Variants in FAM20A observed in about 807,000 individuals in gnomAD.
FAM20A encodes pseudokinase FAM20A.
Under a neutral mutation model 52.0 loss-of-function variants are expected in FAM20A, and 42 were observed. The ratio of observed to expected loss-of-function variants is 0.81; its 90% CI spans 0.63 to 1.04. The LOEUF is 1.04. Ranked by LOEUF, FAM20A falls within the 50% of genes least tolerant of loss-of-function variation. The pLI, the probability that FAM20A is intolerant of heterozygous loss-of-function variation, is 0.00. For missense variants in FAM20A, 742 were observed against 712.7 expected, an observed-to-expected ratio of 1.04 and a Z score of -0.47; for synonymous variants, 304 against 298.9, an observed-to-expected ratio of 1.02 and a Z score of -0.18.
In FAM20A at chr17:68,540,891, G is replaced by A. The variant is rs1169684397; in HGVS notation, c.1177C>T (p.Leu393Phe). 4 of 1,605,460 alleles carry A rather than the reference G, an allele frequency of 2.5e-6. No homozygotes were observed. The highest frequency in any genetic ancestry group is 3.4e-6 in the Non-Finnish European group (4 of 1,176,150). ...QIYPYNNSQR[L>F]LNVIDMAIFD... ...ATGGCCATGTCGATGACATTGAGGAGCCGCTGGCTGTTGTTGTACGGGTAG... is the reference window on the plus strand; with the variant it reads ...ATGGCCATGTCGATGACATTGAGGAACCGCTGGCTGTTGTTGTACGGGTAG... Residue 393 changes from leucine (L) to phenylalanine (F), a missense_variant, in exon 8 of 11, where the codon CTC becomes TTC. By Grantham distance (22) the Leu-to-Phe change is conservative (BLOSUM62 0). Coordinates refer to ENST00000592554, the MANE Select transcript of FAM20A (RefSeq NM_017565.4).
At chr17:68,594,204 G>A (rs2088385498) in intron 1 of FAM20A, among the ~76,000 whole-genome samples, 1 of 152,212 alleles carries the variant, frequency 6.6e-6, no homozygotes, top group Admixed American at 6.5e-5. Context: ...GAGGTCAGGA[G>A]ATCGAGACCA....
chr17:68,562,099 C>T (rs1362230967), intron 1 of FAM20A, among the ~76,000 whole-genome samples: 1 of 152,226 alleles, frequency 6.6e-6, no homozygotes, highest in Non-Finnish European at 1.5e-5. Context: ...GCTGGGATTA[C>T]AGGCATAAGC....
intron 1 of FAM20A, among the ~76,000 whole-genome samples, chr17:68,568,476 A>T (rs1298184025): frequency 6.6e-6 from 1 of 151,208 alleles, no homozygotes; most frequent in Non-Finnish European, 1.5e-5. Context: ...TCTAAAATAA[A>T]TAAATAAATA....
intron 4 of FAM20A, among the ~76,000 whole-genome samples, chr17:68,547,094 G>A (rs1483454709): frequency 6.6e-5 from 10 of 152,040 alleles, no homozygotes; most frequent in Middle Eastern, 3.4e-3. Context: ...TAACAGATGT[G>A]TGGTCATCCA....
rs1484228841 is a variant in FAM20A, at chr17:68,536,078, A to G, written c.*1399T>C. The stretch of plus-strand genomic sequence containing the variant: ...TCTCAGTGAATGGTAGTGATTTTAG[A>G]GAGACACAAAGTCCAGGGGCAGCAT... On this transcript the variant is annotated 3_prime_UTR_variant, in exon 11 of 11. Transcript: ENST00000592554. 1.3e-5 allele frequency: 6 copies of G among 453,972 alleles called. No homozygotes were observed. Among genetic ancestry groups the G allele is most frequent in the South Asian group, 7.8e-5 (5 of 64,482 alleles). 28.1% of individuals were successfully genotyped at this position (453,972 alleles called of 1,614,324 possible).
intron 4 of FAM20A, 134 bp downstream of exon 4, chr17:68,551,739 T>C (rs1184660462): frequency 8.6e-6 from 5 of 583,430 alleles, no homozygotes; most frequent in Non-Finnish European, 1.6e-5. Context: ...CCCCAAACAG[T>C]TCTGTGCTTG....
At position 68,555,677 on chromosome 17, in the gene FAM20A, G is replaced by A. The variant is rs759516103; in HGVS notation, c.471C>T (p.Leu157=). 21 of 1,613,874 alleles carry A rather than the reference G, an allele frequency of 1.3e-5. No individual in the cohort carries two copies. The highest frequency in any genetic ancestry group is 1.2e-4 in the African/African-American group (9 of 75,016). The change falls in exon 2 of 11, where the codon CTC becomes CTT. Residue 157 remains leucine (L), a synonymous_variant. Transcript: ENST00000592554. ...TSLDPPLQLR[L]EASWVQFHLG... ...GGTGGAACTGGACCCAGCTGGCCTC[G>A]AGTCGGAGCTGCAGTGGGGGGTCCA...
intron 1 of FAM20A, among the ~76,000 whole-genome samples, chr17:68,580,217 G>T (rs764783980): frequency 6.6e-6 from 1 of 152,218 alleles, no homozygotes; most frequent in Non-Finnish European, 1.5e-5. Context: ...GCTTTGTCAA[G>T]AATTTAATTT....
chr17:68,596,021 C>T (rs544085469), intron 1 of FAM20A, among the ~76,000 whole-genome samples: 9 of 152,302 alleles, frequency 5.9e-5, no homozygotes, highest in African/African-American at 2.2e-4. Flanking sequence ...TGGATCTTCT[C>T]AAAGCATCCC....
At chr17:68,599,385 A>C (rs1175289358) in intron 1 of FAM20A, among the ~76,000 whole-genome samples, 1 of 152,260 alleles carries the variant, frequency 6.6e-6, no homozygotes, top group East Asian at 1.9e-4. Context: ...GCCACTAGCA[A>C]GGGATCTCAG....
intron 5 of FAM20A, 88 bp from the exon 6 acceptor site, chr17:68,542,897 A>G: frequency 9.7e-7 from 1 of 1,026,060 alleles, no homozygotes; most frequent in East Asian, 2.4e-5. Context: ...CACATTAGGA[A>G]TTGGCTGGTG....
intron 1 of FAM20A, among the ~76,000 whole-genome samples, chr17:68,594,657 C>G (rs566647251): frequency 1.3e-5 from 2 of 152,182 alleles, no homozygotes; most frequent in South Asian, 4.2e-4. Flanking sequence ...AATTCTTTTC[C>G]TTGTGGCAGT....
intron 1 of FAM20A, among the ~76,000 whole-genome samples, chr17:68,581,911 C>T (rs1349596233): frequency 3.3e-5 from 5 of 152,088 alleles, no homozygotes; most frequent in Non-Finnish European, 5.9e-5. Context: ...CTGTCTGAGC[C>T]ACTTTCTTCA....
intron 2 of FAM20A, 49 bp from the exon 3 acceptor site, chr17:68,554,876 A>G: frequency 6.3e-7 from 1 of 1,592,230 alleles, no homozygotes; most frequent in Non-Finnish European, 8.6e-7. Flanking sequence ...TGTTCCTGGG[A>G]GAGCCTACAA....
intron 2 of FAM20A, among the ~76,000 whole-genome samples, chr17:68,555,132 A>C (rs551871235): frequency 1.1e-4 from 16 of 152,286 alleles, no homozygotes; most frequent in Admixed American, 2.6e-4. Flanking sequence ...TTAGTGCTTG[A>C]CAGCACAGAC....
chr17:68,536,419 A>G lies in FAM20A; in HGVS notation c.*1058T>C. ...AAAGCCTCCTATTAAAAGGAGTTTCAGATATCAACAAGTCAGGGAGAAGGT... is the reference window on the plus strand; with the variant it reads ...AAAGCCTCCTATTAAAAGGAGTTTCGGATATCAACAAGTCAGGGAGAAGGT... On this transcript the variant is annotated 3_prime_UTR_variant, in exon 11 of 11. Transcript: ENST00000592554. 1 of 454,140 alleles carries G rather than the reference A, an allele frequency of 2.2e-6. No homozygotes were observed. The highest frequency in any genetic ancestry group is 4.4e-6 in the Non-Finnish European group (1 of 226,788). 28.1% of individuals were successfully genotyped at this position (454,140 alleles called of 1,614,324 possible).
intron 4 of FAM20A, among the ~76,000 whole-genome samples, chr17:68,547,037 A>G (rs1045407422): frequency 6.8e-4 from 103 of 151,858 alleles, no homozygotes; most frequent in Admixed American, 1.1e-3. Flanking sequence ...TCCCCTGAGC[A>G]GTAAGGTCTC....
chr17:68,541,377 C>T (rs541730603), intron 7 of FAM20A: 25 of 223,728 alleles, frequency 1.1e-4, no homozygotes, highest in Non-Finnish European at 2.1e-4. Flanking sequence ...TACAATGCTC[C>T]GATGCCCATT....
intron 1 of FAM20A, among the ~76,000 whole-genome samples, chr17:68,587,188 G>A (rs543320234): frequency 5.3e-5 from 8 of 152,288 alleles, no homozygotes; most frequent in African/African-American, 1.9e-4. Context: ...ATGAGCCACC[G>A]CGCCTGACTG....
Sources: allele counts gnomAD v4.1 joint callset (sites outside exome capture counted in the v4.1 genomes callset), GRCh38; gene constraint gnomAD v4.1.1; transcripts MANE v1.5; gene names NCBI Gene and HGNC (gene_info 2026-07-23, HGNC 2026-07-21).